The following DYNC1H1 variants were observed in gnomAD, a reference collection of about 807,000 sequenced individuals.
DYNC1H1 encodes the protein dynein cytoplasmic 1 heavy chain 1, also known as cytoplasmic dynein 1 heavy chain 1.
DYNC1H1 carries 51 observed loss-of-function variants against 527.1 expected under a neutral mutation model. The observed-to-expected ratio is 0.10, with a 90% CI of 0.08 to 0.12. The LOEUF (loss-of-function observed/expected upper bound fraction) is 0.12, where lower values mean the gene tolerates loss of function less well. Ranked by LOEUF, DYNC1H1 falls within the 10% of genes least tolerant of loss-of-function variation. The pLI is 1.00. For synonymous variants in DYNC1H1, 2,189 were observed against 2,278.8 expected, an observed-to-expected ratio of 0.96 and a Z score of 1.12; for missense variants, 2,771 against 5,971.8, an observed-to-expected ratio of 0.46 and a Z score of 17.66.
chr14:102,049,388 C>T lies in DYNC1H1; in HGVS notation c.13373-52C>T. 1 of 1,611,820 alleles carries T rather than the reference C, an allele frequency of 6.2e-7. No individual in the cohort carries two copies. Among genetic ancestry groups the T allele is most frequent in the Non-Finnish European group, 8.5e-7 (1 of 1,179,898 alleles). Reference sequence around the variant, plus strand: ...CACTTGCACATTTGTTCCATCTGTGCTGGGGGAGTTGTGAGAGCTGACACC... The same window carrying T: ...CACTTGCACATTTGTTCCATCTGTGTTGGGGGAGTTGTGAGAGCTGACACC... On this transcript the variant is annotated intron_variant, in intron 74 of 77. Transcript: ENST00000360184. This position sits in a 1 kb window ranked among gnomAD's most constrained non-coding sequence, Gnocchi z 5.5.
In DYNC1H1 at chr14:102,016,023, G is replaced by A. The variant is rs139109090; in HGVS notation, c.7410G>A (p.Ala2470=). Residue 2470 remains alanine (A), a synonymous_variant, in exon 36 of 78, where the codon GCG becomes GCA. Coordinates refer to ENST00000360184, the MANE Select transcript of DYNC1H1 (RefSeq NM_001376.5). The surrounding 1 kb of genome is among the most constrained non-coding windows in gnomAD (Gnocchi z 7.3). ...TGCACCAGGCCTGCCGCAACGTGGC[G>A]CAGTATAACGCCAACCATCCCGACT... ...SMLHQACRNV[A]QYNANHPDFP... is the part of the protein sequence containing the mutation. The A allele has an allele frequency of 1.3e-3, 2,047 of 1,613,592 alleles. 22 individuals are homozygous for A. Among genetic ancestry groups the A allele is most frequent in the Non-Finnish European group, 2.4e-4 (281 of 1,179,958 alleles).
Position 102,042,102 on chromosome 14 carries a change from G to A in DYNC1H1, c.12192G>A (p.Thr4064=), listed in dbSNP as rs114906811. The part of the protein sequence containing the change: ...HVEDLAAEQN[T]QITSIAIGSA... ...AGGACCTTGCAGCCGAGCAGAACACGCAGATCACTTCAATTGCAATCGGTA... is the reference window on the plus strand; with the variant it reads ...AGGACCTTGCAGCCGAGCAGAACACACAGATCACTTCAATTGCAATCGGTA... The change falls in exon 66 of 78, where the codon ACG becomes ACA. Residue 4064 remains threonine (T), a synonymous_variant. Coordinates refer to ENST00000360184, the MANE Select transcript of DYNC1H1 (RefSeq NM_001376.5). The surrounding 1 kb of genome is among the most constrained non-coding windows in gnomAD (Gnocchi z 5.7). 41 of 1,613,962 alleles carry A rather than the reference G, an allele frequency of 2.5e-5. No individual in the cohort carries two copies. Among genetic ancestry groups the A allele is most frequent in the Non-Finnish European group, 1.4e-5 (17 of 1,180,030 alleles).
rs1249808067 is a variant in DYNC1H1, at chr14:102,020,260, G to T, written c.8507+204G>T. Among the ~76,000 whole-genome samples the T allele has an allele frequency of 6.6e-6, 1 of 152,158 alleles. No homozygotes were observed. The highest frequency in any genetic ancestry group is 1.5e-5 in the Non-Finnish European group (1 of 68,034). On this transcript the variant is annotated intron_variant, in intron 42 of 77. Transcript: ENST00000360184. This position sits in a 1 kb window ranked among gnomAD's most constrained non-coding sequence, Gnocchi z 4.3. ...CAGGGTAACAAAGTCACAGTGCGCT[G>T]AATGCACCGGCTGGCCCACCACTGT...
chr14:102,033,218 T>G lies in DYNC1H1; in HGVS notation c.10197+36T>G, dbSNP rs2048530403. The G allele has an allele frequency of 1.2e-6, 2 of 1,614,038 alleles. No homozygotes were observed. The highest frequency in any genetic ancestry group is 1.7e-5 in the Admixed American group (1 of 60,008). Reference sequence around the variant, plus strand: ...CAGCCAGGAGCTCCCGTGTGAAAGGTGACCTCTTTTCCTGTCACTTAAATA... The same window carrying G: ...CAGCCAGGAGCTCCCGTGTGAAAGGGGACCTCTTTTCCTGTCACTTAAATA... On this transcript the variant is annotated intron_variant, in intron 53 of 77. Transcript: ENST00000360184. This position sits in a 1 kb window ranked among gnomAD's most constrained non-coding sequence, Gnocchi z 5.6.
intron 56 of DYNC1H1, 83 bp downstream of exon 56, chr14:102,034,535 A>G: frequency 6.2e-7 from 1 of 1,604,482 alleles, no homozygotes; most frequent in Non-Finnish European, 8.5e-7. Flanking sequence ...CCCTTGTTTG[A>G]AGAGAGGAAT....
At position 102,032,447 on chromosome 14, in the gene DYNC1H1, C is replaced by T. The variant is rs145903700; in HGVS notation, c.10059C>T (p.Asn3353=). ...AGAACTTCATCCCCACCATCGTCAA[C>T]TTCTCTGCAGAGGAGATCAGGTGAG... ...MRENFIPTIV[N]FSAEEISDAI... The change falls in exon 52 of 78, where the codon AAC becomes AAT. Residue 3353 remains asparagine (N), a synonymous_variant. Transcript: ENST00000360184. The T allele has an allele frequency of 1.2e-6, 2 of 1,614,208 alleles. No homozygotes were observed. Among genetic ancestry groups the T allele is most frequent in the Non-Finnish European group, 1.7e-6 (2 of 1,180,048 alleles).
At chr14:102,048,274 C>G (rs1567025437) in intron 73 of DYNC1H1, 2 of 714,822 alleles carry the variant, frequency 2.8e-6, no homozygotes, top group East Asian at 5.4e-5. Flanking sequence ...CGAGCAGCCG[C>G]AGCCCTTCCT....
chr14:102,001,768 C>T lies in DYNC1H1; in HGVS notation c.4542+87C>T. ...CCTTTTCACTGACAGTTACTAGGTACCTGTTTTTTATTGTATTTTTTGAGA... is the reference window on the plus strand; with the variant it reads ...CCTTTTCACTGACAGTTACTAGGTATCTGTTTTTTATTGTATTTTTTGAGA... On this transcript the variant is annotated intron_variant, in intron 21 of 77. Transcript: ENST00000360184. This position sits in a 1 kb window ranked among gnomAD's most constrained non-coding sequence, Gnocchi z 5.0. 6.4e-7 allele frequency: 1 copy of T among 1,568,098 alleles called. No individual in the cohort carries two copies. Among genetic ancestry groups the T allele is most frequent in the Non-Finnish European group, 8.7e-7 (1 of 1,143,674 alleles).
rs190254881 is a variant in DYNC1H1 at position 101,994,144 on chromosome 14, A to G, written c.3016-40A>G. The stretch of plus-strand genomic sequence containing the variant: ...AGGTGACACTTAGATTACCATTTTC[A>G]TATACACTGCTTGCATTCATTTCGG... On this transcript the variant is annotated intron_variant, in intron 11 of 77. Transcript: ENST00000360184. The G allele has an allele frequency of 7.6e-5, 122 of 1,614,078 alleles. 1 individual carries two copies. In the African/African-American group the frequency reaches 1.5e-3, roughly 19 times the overall value.
chr14:101,984,448 A>ATTTTTTTTTTT (rs1224932045), intron 7 of DYNC1H1, among the ~76,000 whole-genome samples: 1 of 89,132 alleles, frequency 1.1e-5, no homozygotes. Context: ...TATATATATT[A>ATTTTTTTTTTT]TATTTTTTTT....
chr14:102,022,723 C>T (rs757384399), intron 42 of DYNC1H1, 28 bp from the exon 43 acceptor site: 89 of 1,613,722 alleles, frequency 5.5e-5, no homozygotes, highest in Non-Finnish European at 7.3e-5. Flanking sequence ...CTCTAGTTAC[C>T]TAAATGCACA....
chr14:102,042,768 G>A lies in DYNC1H1; in HGVS notation c.12513+20G>A, dbSNP rs1255482460. 6.2e-7 allele frequency: 1 copy of A among 1,613,012 alleles called. No individual in the cohort carries two copies. The highest frequency in any genetic ancestry group is 8.5e-7 in the Non-Finnish European group (1 of 1,179,504). The stretch of plus-strand genomic sequence containing the variant: ...TGCAAGGTAAGTACCTTGTCCTCCT[G>A]GTATGCTTTCCCCATAGAAGCTAAA... On this transcript the variant is annotated intron_variant, in intron 69 of 77. Coordinates refer to ENST00000360184, the MANE Select transcript of DYNC1H1 (RefSeq NM_001376.5). The surrounding 1 kb of genome is among the most constrained non-coding windows in gnomAD (Gnocchi z 5.7).
In DYNC1H1 at chr14:102,001,499, A is replaced by T; in HGVS notation, c.4396-36A>T. The T allele has an allele frequency of 2.5e-6, 4 of 1,614,170 alleles. No homozygotes were observed. Among genetic ancestry groups the T allele is most frequent in the Non-Finnish European group, 3.4e-6 (4 of 1,180,024 alleles). On this transcript the variant is annotated intron_variant, in intron 20 of 77. Transcript: ENST00000360184. The surrounding 1 kb of genome is among the most constrained non-coding windows in gnomAD (Gnocchi z 5.0). The stretch of plus-strand genomic sequence containing the variant: ...CCTTGTGCAGGTAGTGAATGCCCAC[A>T]TATTGATAACATGCATCTTTCTGGT...
In DYNC1H1 at chr14:102,001,842, G is replaced by T. The variant is rs17512278; in HGVS notation, c.4542+161G>T. On this transcript the variant is annotated intron_variant, in intron 21 of 77. Coordinates refer to ENST00000360184, the MANE Select transcript of DYNC1H1 (RefSeq NM_001376.5). This position sits in a 1 kb window ranked among gnomAD's most constrained non-coding sequence, Gnocchi z 5.0. ...GCTGGAGTGCAGTGGCACCATCACA[G>T]CTCACTGCTGCAGCCTTGACTTCCT... Among the ~76,000 whole-genome samples, 491 of 152,270 alleles carry T rather than the reference G, an allele frequency of 3.2e-3. 9 individuals carry two copies. Among genetic ancestry groups the T allele is most frequent in the African/African-American group, 0.011 (467 of 41,554 alleles).
rs1034994263 is a variant in DYNC1H1 at position 102,034,170 on chromosome 14, A to C, written c.10608A>C (p.Leu3536=). The change falls in exon 55 of 78, where the codon CTA becomes CTC. Residue 3536 remains leucine (L), a synonymous_variant. Transcript: ENST00000360184. ...QNLFTTWSHH[L]QQANIQFRTD... ...TGTTCACTACCTGGTCCCATCACCTACAGCAAGCCAACATCCAGGTGAGAA... is the reference window on the plus strand; with the variant it reads ...TGTTCACTACCTGGTCCCATCACCTCCAGCAAGCCAACATCCAGGTGAGAA... 5.6e-6 allele frequency: 9 copies of C among 1,614,054 alleles called. No individual in the cohort carries two copies. In the African/African-American group the frequency reaches 9.3e-5, roughly 17 times the overall value.
At chr14:101,988,968 C>G (rs1228301816) in intron 10 of DYNC1H1, 116 bp downstream of exon 10, 1 of 1,404,672 alleles carries the variant, frequency 7.1e-7, no homozygotes, top group Non-Finnish European at 9.8e-7. Context: ...CCACCTTAAC[C>G]AGGTGATGAA....
At chr14:101,988,149 A>G (rs1471309029) in intron 9 of DYNC1H1, among the ~76,000 whole-genome samples, 2 of 152,230 alleles carry the variant, frequency 1.3e-5, no homozygotes, top group Admixed American at 1.3e-4. Flanking sequence ...CAGGGAGATA[A>G]GAGGGAGGAG....
In DYNC1H1 at chr14:102,010,647, C is replaced by T; in HGVS notation, c.6406-93C>T. On this transcript the variant is annotated intron_variant, in intron 31 of 77. Transcript: ENST00000360184. This position sits in a 1 kb window ranked among gnomAD's most constrained non-coding sequence, Gnocchi z 6.0. ...GCGAGTGGTGCTCGCACCCTTTGTT[C>T]ACCAACAGTTACTGATCACGCACCT... 6.4e-7 allele frequency: 1 copy of T among 1,561,984 alleles called. No individual in the cohort carries two copies. Among genetic ancestry groups the T allele is most frequent in the Non-Finnish European group, 8.8e-7 (1 of 1,140,532 alleles).
At position 101,975,196 on chromosome 14, in the gene DYNC1H1, G is replaced by C. The variant is rs17540603; in HGVS notation, c.257-516G>C. On this transcript the variant is annotated intron_variant, in intron 1 of 77. Transcript: ENST00000360184. ...GCAAGTTACTGATATTCTTTATGGA[G>C]AAAACAAGGATAATAATAGTCACAC... 5.5e-3 allele frequency among the ~76,000 whole-genome samples: 833 copies of C among 152,258 alleles called. 17 individuals are homozygous for C. The highest frequency in any genetic ancestry group is 0.036 in the East Asian group (188 of 5,178).
Sources: gnomAD v4.1 joint callset for allele counts (sites outside exome capture counted in the v4.1 genomes callset) on GRCh38, gnomAD v4.1.1 for gene constraint, Gnocchi (gnomAD v3.1) non-coding constraint, MANE v1.5 for transcripts, NCBI Gene and HGNC (gene_info 2026-07-23, HGNC 2026-07-21) for gene names.